The following AGBL1 variants were observed in gnomAD, a reference collection of about 807,000 sequenced individuals.
AGBL1 encodes the protein cytosolic carboxypeptidase 4.
A neutral mutation model predicts 118.9 loss-of-function variants in AGBL1; 130 were observed. That is an observed-to-expected ratio of 1.09 (90% CI 0.95 to 1.26). The LOEUF is 1.26. Among genes scored for constraint, AGBL1 ranks in the 50% most tolerant of loss-of-function variants. AGBL1 has a pLI of 0.00. For synonymous variants in AGBL1, 555 were observed against 478.9 expected (o/e 1.16, Z -2.08); for missense variants, 1,584 against 1,298.1 (o/e 1.22, Z -3.38).
At chr15:86,089,433 A>C (rs1413550783) in intron 1 of AGBL1, among the ~76,000 whole-genome samples, 1 of 152,098 alleles carries the variant, frequency 6.6e-6, no homozygotes, top group Non-Finnish European at 1.5e-5. Flanking sequence ...TTTAGAGAAG[A>C]GTTCTTTCTA....
intron 15 of AGBL1, among the ~76,000 whole-genome samples, chr15:86,276,420 G>A (rs1597666050): frequency 1.3e-5 from 2 of 152,346 alleles, no homozygotes; most frequent in East Asian, 3.9e-4. Flanking sequence ...TGTGTAGAAT[G>A]TGTGTAATAA....
intron 21 of AGBL1, among the ~76,000 whole-genome samples, chr15:86,652,962 G>A (rs1043683380): frequency 1.4e-4 from 22 of 152,074 alleles, no homozygotes; most frequent in African/African-American, 4.8e-4. Context: ...TGCACAGAAC[G>A]GTCCCCATAA....
intron 5 of AGBL1, among the ~76,000 whole-genome samples, chr15:86,172,406 CGTT>C (rs1465710440): frequency 6.6e-6 from 1 of 152,104 alleles, no homozygotes; most frequent in East Asian, 1.9e-4. Context: ...AAATAGATAT[CGTT>C]GTTACCTATC....
chr15:86,326,168 T>C (rs988361933), intron 17 of AGBL1, among the ~76,000 whole-genome samples: 1 of 152,194 alleles, frequency 6.6e-6, no homozygotes, highest in Non-Finnish European at 1.5e-5. Flanking sequence ...CAGCACACTT[T>C]ATTACAGTGA....
chr15:86,719,269 CAGAT>C (rs1308264283), intron 22 of AGBL1, among the ~76,000 whole-genome samples: 1 of 152,172 alleles, frequency 6.6e-6, no homozygotes, highest in East Asian at 1.9e-4. Flanking sequence ...CAGCAGCAGT[CAGAT>C]AGGAGACAAC....
intron 21 of AGBL1, among the ~76,000 whole-genome samples, chr15:86,590,660 A>G (rs973008324): frequency 7.9e-5 from 12 of 152,206 alleles, no homozygotes; most frequent in Non-Finnish European, 5.9e-5. Context: ...GACAATAGAT[A>G]GTAAATGTTT....
chr15:86,106,305 C>T (rs1000256942), intron 1 of AGBL1, among the ~76,000 whole-genome samples: 1 of 152,298 alleles, frequency 6.6e-6, no homozygotes, highest in Non-Finnish European at 1.5e-5. Flanking sequence ...TTTGGATGTA[C>T]CCACTGTACC....
At chr15:86,208,080 T>C (rs2078024954) in intron 5 of AGBL1, among the ~76,000 whole-genome samples, 1 of 152,178 alleles carries the variant, frequency 6.6e-6, no homozygotes, top group Non-Finnish European at 1.5e-5. Context: ...GAGATAATCA[T>C]GAGGTTTTTG....
At chr15:86,479,910 A>G (rs2082626284) in intron 18 of AGBL1, among the ~76,000 whole-genome samples, 1 of 152,240 alleles carries the variant, frequency 6.6e-6, no homozygotes, top group Non-Finnish European at 1.5e-5. Context: ...CAGCCATAAA[A>G]AAGGATGAAT....
chr15:86,206,429 A>G (rs2077993214), intron 5 of AGBL1, among the ~76,000 whole-genome samples: 1 of 152,220 alleles, frequency 6.6e-6, no homozygotes, highest in Non-Finnish European at 1.5e-5. Flanking sequence ...CACTCCCACC[A>G]ACAGTGAGAA....
chr15:86,682,030 C>T (rs1239259981), intron 22 of AGBL1, among the ~76,000 whole-genome samples: 7 of 152,146 alleles, frequency 4.6e-5, no homozygotes, highest in African/African-American at 7.2e-5. Context: ...ATTAATGCTA[C>T]GTGACTATTC....
chr15:86,154,772 G>C (rs1255071179), intron 4 of AGBL1, among the ~76,000 whole-genome samples: 2 of 152,150 alleles, frequency 1.3e-5, no homozygotes, highest in African/African-American at 4.8e-5. Context: ...GAGCTCTTGA[G>C]TCTGCTCCTA....
chr15:86,751,927 A>G (rs2077860290), intron 22 of AGBL1, among the ~76,000 whole-genome samples: 1 of 152,266 alleles, frequency 6.6e-6, no homozygotes, highest in Admixed American at 6.5e-5. Context: ...AGAGATGTTC[A>G]TCTGTCATTA....
intron 22 of AGBL1, among the ~76,000 whole-genome samples, chr15:86,703,824 T>C (rs968550767): frequency 6.6e-6 from 1 of 152,018 alleles, no homozygotes; most frequent in Non-Finnish European, 1.5e-5. Flanking sequence ...TGTGGAAGTG[T>C]GAGTCAATTA....
intron 22 of AGBL1, among the ~76,000 whole-genome samples, chr15:86,751,075 A>G (rs2077844783): frequency 1.3e-5 from 2 of 152,084 alleles, no homozygotes; most frequent in South Asian, 4.1e-4. Context: ...TGTCTTCACT[A>G]TTGTGAATAG....
intron 22 of AGBL1, among the ~76,000 whole-genome samples, chr15:86,853,561 C>T (rs892090522): frequency 6.6e-6 from 1 of 152,170 alleles, no homozygotes; most frequent in South Asian, 2.1e-4. Context: ...ATCTGCACTA[C>T]AGAATAATGA....
At chr15:86,566,378 C>G (rs1456619938) in intron 21 of AGBL1, among the ~76,000 whole-genome samples, 1 of 152,134 alleles carries the variant, frequency 6.6e-6, no homozygotes, top group Non-Finnish European at 1.5e-5. Flanking sequence ...ACTATTTCCC[C>G]CTCTCCTTTT....
chr15:86,210,498 A>C (rs891175414), intron 5 of AGBL1, among the ~76,000 whole-genome samples: 21 of 152,144 alleles, frequency 1.4e-4, no homozygotes, highest in African/African-American at 5.1e-4. Flanking sequence ...TATTTCTTGG[A>C]GGCTTTGTTC....
At chr15:86,571,871 C>G (rs1305611153) in intron 21 of AGBL1, among the ~76,000 whole-genome samples, 2 of 152,178 alleles carry the variant, frequency 1.3e-5, no homozygotes, top group African/African-American at 4.8e-5. Flanking sequence ...AGGGACCTGC[C>G]TCCTTCGCCC....
Sources: allele counts gnomAD v4.1 joint callset (sites outside exome capture counted in the v4.1 genomes callset), GRCh38; gene constraint gnomAD v4.1.1; transcripts MANE v1.5; gene names NCBI Gene and HGNC (gene_info 2026-07-23, HGNC 2026-07-21).